Variants in CA5A observed in about 807,000 individuals in gnomAD.
CA5A encodes the protein carbonic anhydrase 5A, also known as carbonic anhydrase 5A, mitochondrial.
Under a neutral mutation model 37.1 loss-of-function variants are expected in CA5A, and 28 were observed. The observed-to-expected ratio is 0.75, with a 90% CI of 0.56 to 1.03. The LOEUF is 1.03. Among genes scored for constraint, CA5A ranks in the 50% least tolerant of loss-of-function variants. The pLI is 0.00. For synonymous variants in CA5A, 171 were observed against 158.4 expected, an observed-to-expected ratio of 1.08 and a Z score of -0.60; for missense variants, 444 against 399.9, an observed-to-expected ratio of 1.11 and a Z score of -0.94.
intron 5 of CA5A, among the ~76,000 whole-genome samples, chr16:87,898,705 G>T (rs888415199): frequency 6.6e-6 from 1 of 150,998 alleles, no homozygotes; most frequent in Admixed American, 6.6e-5. Flanking sequence ...TCCATTACAT[G>T]GTGAGAATGC....
chr16:87,905,398 T>C (rs1027736166), intron 2 of CA5A, among the ~76,000 whole-genome samples: 9 of 152,204 alleles, frequency 5.9e-5, no homozygotes, highest in Non-Finnish European at 1.2e-4. Flanking sequence ...CTTACTCTAT[T>C]GCCCAGGCTG....
rs2055734670 is a variant in CA5A at position 87,892,557 on chromosome 16, A to C, written c.619-603T>G. Among the ~76,000 whole-genome samples the C allele has an allele frequency of 4.2e-5, 5 of 118,016 alleles. 1 individual carries two copies. In the South Asian group the frequency reaches 1.6e-3, roughly 37 times the overall value. The allele number at this position is 118,016 out of a possible 152,430, so 77.4% of individuals were successfully genotyped here. A position where few individuals can be genotyped will look rare whatever the true frequency, so the allele number is the denominator to read the frequency against. ...AATAATAATAATAATAATAATAATA[A>C]ATTAATTAATAATAAAAATAAAAAT... On this transcript the variant is annotated intron_variant, in intron 5 of 6. Coordinates refer to ENST00000649794, the MANE Select transcript of CA5A (RefSeq NM_001739.2).
chr16:87,934,210 G>C (rs142430489), intron 1 of CA5A, among the ~76,000 whole-genome samples: 5 of 152,258 alleles, frequency 3.3e-5, no homozygotes, highest in Admixed American at 3.3e-4. Flanking sequence ...ACACTGTGCC[G>C]TAAGCACCAT....
chr16:87,935,102 G>C (rs142010247), intron 1 of CA5A, among the ~76,000 whole-genome samples: 20 of 152,368 alleles, frequency 1.3e-4, no homozygotes, highest in Middle Eastern at 3.4e-3. Context: ...ACCTGCCGAG[G>C]CTCCACCTCA....
intron 2 of CA5A, among the ~76,000 whole-genome samples, chr16:87,915,689 CAA>C (rs10593708): frequency 0.49 from 40,610 of 83,606 alleles, 6,915 homozygotes; most frequent in African/African-American, 0.53. Flanking sequence ...ATCCTGTCTC[CAA>C]AAAAAAAAAA....
At chr16:87,926,559 C>T (rs201106329) in intron 2 of CA5A, among the ~76,000 whole-genome samples, 189 bp downstream of exon 2, 3 of 152,246 alleles carry the variant, frequency 2.0e-5, no homozygotes, top group African/African-American at 4.8e-5. Context: ...GCACCAGGCT[C>T]CTGTCCCCTC....
chr16:87,884,332 C>T (rs1211735075), downstream of CA5A: 1 of 147,546 alleles, frequency 6.8e-6, no homozygotes, highest in Non-Finnish European at 1.5e-5. Flanking sequence ...CTTTGGGAGG[C>T]TGAGGCGGGC....
intron 3 of CA5A, among the ~76,000 whole-genome samples, chr16:87,902,987 C>A (rs2055902484): frequency 6.6e-6 from 1 of 151,948 alleles, no homozygotes; most frequent in Non-Finnish European, 1.5e-5. Context: ...CCTCTGAGCT[C>A]CCAGGCCCTT....
chr16:87,917,492 G>A lies in CA5A; in HGVS notation c.340+9256C>T, dbSNP rs189356749. Among the ~76,000 whole-genome samples the A allele has an allele frequency of 7.9e-5, 12 of 152,342 alleles. No individual in the cohort carries two copies. The South Asian group carries it at 1.2e-3, about 16-fold the overall frequency. ...AGAAAATATCTGTAGAGAGAGAGGG[G>A]ACACTGACTTCTACCTAACTTCCCC... On this transcript the variant is annotated intron_variant, in intron 2 of 6. Coordinates refer to ENST00000649794, the MANE Select transcript of CA5A (RefSeq NM_001739.2).
chr16:87,891,137 A>T (rs560812014), intron 6 of CA5A, among the ~76,000 whole-genome samples: 1 of 135,954 alleles, frequency 7.4e-6, no homozygotes, highest in African/African-American at 3.0e-5. Context: ...TTATTAATTA[A>T]TTTTCGAAAA....
chr16:87,897,383 C>A (rs1207371834), intron 5 of CA5A, among the ~76,000 whole-genome samples: 6 of 152,354 alleles, frequency 3.9e-5, no homozygotes, highest in African/African-American at 7.2e-5. Flanking sequence ...AAAGGCGAAG[C>A]CTTGAGGTCT....
chr16:87,925,000 C>T (rs757057850), intron 2 of CA5A, among the ~76,000 whole-genome samples: 10 of 152,200 alleles, frequency 6.6e-5, no homozygotes, highest in Admixed American at 2.6e-4. Flanking sequence ...TCTGTTCATC[C>T]GTCAATTTGC....
At chr16:87,910,515 C>T (rs1416960428) in intron 2 of CA5A, among the ~76,000 whole-genome samples, 1 of 152,184 alleles carries the variant, frequency 6.6e-6, no homozygotes, top group Non-Finnish European at 1.5e-5. Context: ...AACTCTGCTA[C>T]TTGCCTTGCC....
At chr16:87,908,520 G>A (rs185302814) in intron 2 of CA5A, among the ~76,000 whole-genome samples, 9 of 152,300 alleles carry the variant, frequency 5.9e-5, no homozygotes, top group Middle Eastern at 6.8e-3. Context: ...AGAGAGCGAC[G>A]CCAACTGCAT....
At chr16:87,928,496 A>G (rs373847995) in intron 1 of CA5A, among the ~76,000 whole-genome samples, 2 of 152,174 alleles carry the variant, frequency 1.3e-5, no homozygotes, top group Non-Finnish European at 2.9e-5. Context: ...TTTTTATTTT[A>G]ATGAACAAGG....
chr16:87,899,801 T>G (rs2055851978), intron 5 of CA5A, among the ~76,000 whole-genome samples: 1 of 150,274 alleles, frequency 6.7e-6, no homozygotes, highest in Non-Finnish European at 1.5e-5. Flanking sequence ...GCGCCGGTAC[T>G]TCCAGCTACT....
At chr16:87,903,802 G>C (rs1045668058) in intron 3 of CA5A, among the ~76,000 whole-genome samples, 13 of 152,244 alleles carry the variant, frequency 8.5e-5, no homozygotes, top group Admixed American at 6.5e-4. Flanking sequence ...GGTGAGCAGA[G>C]GTGTGATAAA....
intron 2 of CA5A, among the ~76,000 whole-genome samples, chr16:87,918,965 G>C (rs747096279): frequency 7.0e-6 from 1 of 143,050 alleles, no homozygotes. Flanking sequence ...CTGGGTTTTG[G>C]AGAAAATGAC....
At chr16:87,912,107 G>C (rs1161971163) in intron 2 of CA5A, among the ~76,000 whole-genome samples, 1 of 152,136 alleles carries the variant, frequency 6.6e-6, no homozygotes, top group Admixed American at 6.5e-5. Flanking sequence ...TCTGAGACCA[G>C]CCTGGGCAAC....
Sources: allele counts gnomAD v4.1 joint callset (sites outside exome capture counted in the v4.1 genomes callset), GRCh38; gene constraint gnomAD v4.1.1; transcripts MANE v1.5; gene names NCBI Gene and HGNC (gene_info 2026-07-23, HGNC 2026-07-21).